SI: variants seen among roughly 807,000 people sequenced by gnomAD.
SI encodes the protein sucrase-isomaltase.
Under a neutral mutation model 253.3 loss-of-function variants are expected in SI, and 235 were observed. The ratio of observed to expected loss-of-function variants is 0.93; its 90% CI spans 0.83 to 1.03. SI has a LOEUF of 1.03. Among genes scored for constraint, SI ranks in the 50% least tolerant of loss-of-function variants. The pLI is 0.00. For synonymous variants in SI, 819 were observed against 712.0 expected (o/e 1.15, Z -2.39); for missense variants, 2,442 against 2,211.1 (o/e 1.10, Z -2.09).
At chr3:165,033,816 A>C (rs958211344) in intron 22 of SI, among the ~76,000 whole-genome samples, 1 of 151,540 alleles carries the variant, frequency 6.6e-6, no homozygotes, top group Non-Finnish European at 1.5e-5. Context: ...TTAGGAAGAC[A>C]TGGCATATTA....
intron 36 of SI, 55 bp from the exon 37 acceptor site, chr3:165,007,009 A>G (rs1483326668): frequency 2.5e-6 from 3 of 1,219,356 alleles, no homozygotes; most frequent in African/African-American, 3.0e-5. Context: ...CTACAATGAA[A>G]CGTGTAACTC....
At chr3:165,058,434 A>T (rs1025688836) in intron 12 of SI, among the ~76,000 whole-genome samples, 4 of 151,876 alleles carry the variant, frequency 2.6e-5, no homozygotes, top group African/African-American at 9.7e-5. Flanking sequence ...AGAAAAAATG[A>T]TCAGAGAAGA....
chr3:165,055,629 A>G (rs549052185), intron 12 of SI, among the ~76,000 whole-genome samples: 39 of 152,096 alleles, frequency 2.6e-4, no homozygotes, highest in South Asian at 2.1e-3. Context: ...AATATTCTAT[A>G]TAATATATTT....
intron 25 of SI, among the ~76,000 whole-genome samples, chr3:165,027,321 C>T (rs961859682): frequency 1.3e-5 from 2 of 150,956 alleles, no homozygotes; most frequent in Admixed American, 6.6e-5. Context: ...ATAAAAATTA[C>T]CAAGAAAAAA....
intron 37 of SI, among the ~76,000 whole-genome samples, chr3:165,006,234 G>A (rs1201151464): frequency 6.6e-6 from 1 of 152,000 alleles, no homozygotes; most frequent in Non-Finnish European, 1.5e-5. Context: ...TCAGCCTCCC[G>A]AGTAACTGGG....
chr3:165,083,325 C>A (rs543082640), upstream of SI, among the ~76,000 whole-genome samples: 4 of 151,840 alleles, frequency 2.6e-5, no homozygotes, highest in South Asian at 2.1e-4. Context: ...TTCCATAGTA[C>A]ATTTTTTTTT....
upstream of SI, among the ~76,000 whole-genome samples, chr3:165,081,925 A>C (rs956320962): frequency 1.3e-5 from 2 of 152,028 alleles, no homozygotes; most frequent in Non-Finnish European, 2.9e-5. Context: ...GGAAAGACCG[A>C]TGGAGAGTTA....
At chr3:164,993,281 A>C (rs1373835875) in intron 41 of SI, among the ~76,000 whole-genome samples, 3 of 151,766 alleles carry the variant, frequency 2.0e-5, no homozygotes, top group Non-Finnish European at 4.4e-5. Flanking sequence ...TAAAAAGGAG[A>C]TCAATAAAAT....
chr3:165,072,564 AT>A (rs1387952561), intron 3 of SI, among the ~76,000 whole-genome samples: 1 of 152,004 alleles, frequency 6.6e-6, no homozygotes, highest in Non-Finnish European at 1.5e-5. Context: ...TTTATGATTT[AT>A]TTTTTAAATC....
intron 8 of SI, among the ~76,000 whole-genome samples, chr3:165,062,918 G>A (rs758226030): frequency 6.6e-6 from 1 of 152,048 alleles, no homozygotes; most frequent in Non-Finnish European, 1.5e-5. Flanking sequence ...GTAAGACACA[G>A]TAACTGGCTG....
chr3:165,028,696 T>A (rs1712059370), intron 25 of SI, among the ~76,000 whole-genome samples: 1 of 150,986 alleles, frequency 6.6e-6, no homozygotes, highest in Admixed American at 6.6e-5. Flanking sequence ...GGAAAGGACA[T>A]CCTATTCAAC....
At position 164,981,889 on chromosome 3, in the gene SI, T is replaced by A. The variant is rs566966988; in HGVS notation, c.5415+354A>T. Among the ~76,000 whole-genome samples, 45 of 152,272 alleles carry A rather than the reference T, an allele frequency of 3.0e-4. No homozygotes were observed. In the South Asian group the frequency reaches 8.7e-3, roughly 29 times the overall value. ...ACAGTTTTATTAAGTTTGCAAGAAT[T>A]TTCAAATACATTTTCAAGACATAGT... On this transcript the variant is annotated intron_variant, in intron 47 of 47. Transcript: ENST00000264382.
chr3:165,020,116 A>C (rs1711522057), intron 27 of SI, among the ~76,000 whole-genome samples: 1 of 151,642 alleles, frequency 6.6e-6, no homozygotes, highest in Admixed American at 6.6e-5. Context: ...AAAAGGCCTC[A>C]ATTTTCCTGC....
chr3:164,992,573 A>G (rs1192460718), intron 41 of SI, among the ~76,000 whole-genome samples, 176 bp from the exon 42 acceptor site: 8 of 152,118 alleles, frequency 5.3e-5, no homozygotes, highest in Admixed American at 1.3e-4. Context: ...AATGCTCAGC[A>G]GTATAATACT....
intron 13 of SI, among the ~76,000 whole-genome samples, chr3:165,054,732 A>C (rs1203079639): frequency 1.3e-5 from 2 of 152,074 alleles, no homozygotes; most frequent in Non-Finnish European, 2.9e-5. Flanking sequence ...TACTTAACCT[A>C]TTGCCAATTT....
chr3:165,049,944 AGTT>A lies in SI; in HGVS notation c.1513-72_1513-70del, dbSNP rs1486033204. ...TAAATCCTATTAGCAGAAACTCTCTAGTTGTTTGAAAATGTTTTATATAAGATA... is the reference window on the plus strand; with the variant it reads ...TAAATCCTATTAGCAGAAACTCTCTAGTTTGAAAATGTTTTATATAAGATA... On this transcript the variant is annotated intron_variant, in intron 13 of 47. Transcript: ENST00000264382. 4.1e-6 allele frequency: 4 copies of A among 983,668 alleles called. No homozygotes were observed. In the African/African-American group the frequency reaches 4.8e-5, roughly 12 times the overall value. 60.9% of individuals were successfully genotyped at this position (983,668 alleles called of 1,614,324 possible).
chr3:164,992,883 G>T (rs2108128412), intron 41 of SI, among the ~76,000 whole-genome samples: 1 of 151,576 alleles, frequency 6.6e-6, no homozygotes, highest in African/African-American at 2.4e-5. Context: ...CATGTTAATG[G>T]ATTTCTGAAT....
intron 31 of SI, among the ~76,000 whole-genome samples, chr3:165,016,591 T>C (rs1001317583): frequency 6.6e-6 from 1 of 151,960 alleles, no homozygotes; most frequent in Non-Finnish European, 1.5e-5. Flanking sequence ...TCCATCAAAG[T>C]CACTTTTAGG....
At chr3:164,987,621 A>G (rs1717507135) in intron 44 of SI, among the ~76,000 whole-genome samples, 1 of 151,974 alleles carries the variant, frequency 6.6e-6, no homozygotes, top group South Asian at 2.1e-4. Flanking sequence ...AGGCAGGGCA[A>G]TTGCTTGAAC....
Sources: allele counts gnomAD v4.1 joint callset (sites outside exome capture counted in the v4.1 genomes callset), GRCh38; gene constraint gnomAD v4.1.1; transcripts MANE v1.5; gene names NCBI Gene and HGNC (gene_info 2026-07-23, HGNC 2026-07-21).